ZFP28: variants seen among roughly 807,000 people sequenced by gnomAD.
The protein encoded by ZFP28 is ZFP28 zinc finger protein.
ZFP28 carries 31 observed loss-of-function variants against 39.5 expected under a neutral mutation model. The observed-to-expected ratio is 0.79, with a 90% CI of 0.59 to 1.06. The LOEUF (loss-of-function observed/expected upper bound fraction) is 1.06. Among genes scored for constraint, ZFP28 ranks in the 50% least tolerant of loss-of-function variants. The pLI is 0.00. For synonymous variants in ZFP28, 400 were observed against 378.6 expected (o/e 1.06, Z -0.66); for missense variants, 925 against 1,048.4 (o/e 0.88, Z 1.63).
chr19:56,555,544 A>T lies in ZFP28; in HGVS notation c.*152A>T. Reference sequence around the variant, plus strand: ...TCTTGTAAAACTTATAGTTTCTTTAAATTGGTTAATGTGTGAGATGTGCTC... The same window carrying T: ...TCTTGTAAAACTTATAGTTTCTTTATATTGGTTAATGTGTGAGATGTGCTC... On this transcript the variant is annotated 3_prime_UTR_variant, in exon 8 of 8. Coordinates refer to ENST00000301318, the MANE Select transcript of ZFP28 (RefSeq NM_020828.2). The T allele has an allele frequency of 8.9e-7, 1 of 1,122,820 alleles. No individual in the cohort carries two copies. The highest frequency in any genetic ancestry group is 1.3e-6 in the Non-Finnish European group (1 of 799,168). 69.6% of individuals were successfully genotyped at this position (1,122,820 alleles called of 1,614,324 possible). A position where few individuals can be genotyped will look rare whatever the true frequency, so the allele number is the denominator to read the frequency against.
At position 56,547,902 on chromosome 19, in the gene ZFP28, G is replaced by C; in HGVS notation, c.523G>C (p.Asp175His). ...KRKMTRAWCP[D>H]LKAVWKIKEL... Reference sequence around the variant, plus strand: ...AAAGATGACAAGAGCCTGGTGCCCAGGTGAGTGTGGGAGAACCAGGTAGGG... The same window carrying C: ...AAAGATGACAAGAGCCTGGTGCCCACGTGAGTGTGGGAGAACCAGGTAGGG... The change falls in exon 4 of 8, where the codon GAC becomes CAC. Residue 175 changes from aspartate (D) to histidine (H), a missense_variant and splice_region_variant. Coordinates refer to ENST00000301318, the MANE Select transcript of ZFP28 (RefSeq NM_020828.2). This position sits in a 1 kb window ranked among gnomAD's most constrained non-coding sequence, Gnocchi z 4.6. The C allele has an allele frequency of 6.2e-7, 1 of 1,614,152 alleles. No homozygotes were observed. The highest frequency in any genetic ancestry group is 8.5e-7 in the Non-Finnish European group (1 of 1,180,022).
chr19:56,543,358 T>G (rs1407431928), intron 2 of ZFP28, among the ~76,000 whole-genome samples: 2 of 144,038 alleles, frequency 1.4e-5, no homozygotes, highest in African/African-American at 5.1e-5. Context: ...GTATATTTTA[T>G]ATATATATTA....
chr19:56,544,220 T>C (rs2044220637), intron 2 of ZFP28, among the ~76,000 whole-genome samples: 1 of 152,224 alleles, frequency 6.6e-6, no homozygotes, highest in Non-Finnish European at 1.5e-5. Flanking sequence ...GTGTTTAATA[T>C]AGGACCGAAC....
In ZFP28 at chr19:56,547,130, TCTG is replaced by T. The variant is rs1478128875; in HGVS notation, c.301-377_301-375del. 1 of 198,738 alleles carries T rather than the reference TCTG, an allele frequency of 5.0e-6. No individual in the cohort carries two copies. Among genetic ancestry groups the T allele is most frequent in the African/African-American group, 2.3e-5 (1 of 42,604 alleles). The allele number at this position is 198,738 out of a possible 1,614,324, so 12.3% of individuals were successfully genotyped here. On this transcript the variant is annotated intron_variant, in intron 2 of 7. Coordinates refer to ENST00000301318, the MANE Select transcript of ZFP28 (RefSeq NM_020828.2). The surrounding 1 kb of genome is among the most constrained non-coding windows in gnomAD (Gnocchi z 4.6). ...CAACAGAAATTTCTTTTCTCAAGCTTCTGGAGGCTGGAAGTCCAAGATCAAGGT... is the reference window on the plus strand; with the variant it reads ...CAACAGAAATTTCTTTTCTCAAGCTTGAGGCTGGAAGTCCAAGATCAAGGT...
chr19:56,554,763 C>A lies in ZFP28; in HGVS notation c.1978C>A (p.Leu660Ile). The change falls in exon 8 of 8, where the codon CTT becomes ATT. Residue 660 changes from leucine to isoleucine, a missense_variant. Around this residue, in one of 2 missense-constraint regions of ZFP28, gnomAD observed 369 missense variants for 505.5 expected, o/e 0.73. Coordinates refer to ENST00000301318, the MANE Select transcript of ZFP28 (RefSeq NM_020828.2). This position sits in a 1 kb window ranked among gnomAD's most constrained non-coding sequence, Gnocchi z 6.7. ...TAAAGCGTTCACCCAGAAGGCTCAC[C>A]TTGCACAGCATCAGAAAACCCATAC... ...CSKAFTQKAH[L>I]AQHQKTHTGE... is the part of the protein sequence containing the mutation. 1 of 1,614,156 alleles carries A rather than the reference C, an allele frequency of 6.2e-7. No homozygotes were observed. Among genetic ancestry groups the A allele is most frequent in the East Asian group, 2.2e-5 (1 of 44,858 alleles).
intron 4 of ZFP28, among the ~76,000 whole-genome samples, chr19:56,548,710 A>G (rs1379795289): frequency 6.6e-6 from 1 of 152,156 alleles, no homozygotes; most frequent in Non-Finnish European, 1.5e-5. Context: ...CTCTTATTCA[A>G]CTTTTAGGTG....
In ZFP28 at chr19:56,555,737, G is replaced by T; in HGVS notation, c.*345G>T. ...ATCAGGAACAGAATTCTCCAGTAGT[G>T]GGTGAGGTTTTGCCTTTGTTGGTTT... On this transcript the variant is annotated 3_prime_UTR_variant, in exon 8 of 8. Coordinates refer to ENST00000301318, the MANE Select transcript of ZFP28 (RefSeq NM_020828.2). 1 of 208,470 alleles carries T rather than the reference G, an allele frequency of 4.8e-6. No homozygotes were observed. The highest frequency in any genetic ancestry group is 9.4e-6 in the Non-Finnish European group (1 of 105,836). The allele number at this position is 208,470 out of a possible 1,614,324, so 12.9% of individuals were successfully genotyped here.
chr19:56,555,241 G>C lies in ZFP28; in HGVS notation c.2456G>C (p.Arg819Thr), dbSNP rs762111391. ...GERSYNYKKS[R>T]KVFRQTAHLA... The stretch of plus-strand genomic sequence containing the variant: ...AGATCTTATAACTATAAGAAAAGCA[G>C]AAAAGTCTTCAGGCAAACTGCTCAC... The change falls in exon 8 of 8, where the codon AGA (arginine) becomes ACA (threonine). Residue 819 changes from arginine (R) to threonine (T), a missense_variant. By Grantham distance (71) the Arg-to-Thr change is moderately conservative. Around this residue, in one of 2 missense-constraint regions of ZFP28, gnomAD observed 369 missense variants for 505.5 expected, o/e 0.73. Transcript: ENST00000301318. 3 of 1,614,064 alleles carry C rather than the reference G, an allele frequency of 1.9e-6. No homozygotes were observed. The Admixed American group carries it at 5.0e-5, about 27-fold the overall frequency.
At chr19:56,543,297 ATCTT>A (rs1350907947) in intron 2 of ZFP28, among the ~76,000 whole-genome samples, 1 of 148,374 alleles carries the variant, frequency 6.7e-6, no homozygotes, top group South Asian at 2.1e-4. Flanking sequence ...TAATGTCTCT[ATCTT>A]TGTGTGTGTG....
Position 56,555,581 on chromosome 19 carries a change from T to C in ZFP28, c.*189T>C. 1.3e-6 allele frequency: 1 copy of C among 752,220 alleles called. No individual in the cohort carries two copies. The highest frequency in any genetic ancestry group is 2.0e-6 in the Non-Finnish European group (1 of 493,912). 46.6% of individuals were successfully genotyped at this position (752,220 alleles called of 1,614,324 possible). On this transcript the variant is annotated 3_prime_UTR_variant, in exon 8 of 8. Coordinates refer to ENST00000301318, the MANE Select transcript of ZFP28 (RefSeq NM_020828.2). ...TGTGAGATGTGCTCAGCACAGTGCC[T>C]GGTCCATAGTAAGTGCTCAGTAAAC... is the stretch of plus-strand genomic sequence containing the variant.
At position 56,547,377 on chromosome 19, in the gene ZFP28, T is replaced by A; in HGVS notation, c.301-131T>A. ...GGCCCTGTCTCTAAATACAGTCACA[T>A]TCAAAAGTACTGGGGATTAGGAGTT... On this transcript the variant is annotated intron_variant, in intron 2 of 7. Transcript: ENST00000301318. The surrounding 1 kb of genome is among the most constrained non-coding windows in gnomAD (Gnocchi z 4.6). 1 of 1,355,200 alleles carries A rather than the reference T, an allele frequency of 7.4e-7. No homozygotes were observed. Among genetic ancestry groups the A allele is most frequent in the Non-Finnish European group, 1.0e-6 (1 of 981,774 alleles). 83.9% of individuals were successfully genotyped at this position (1,355,200 alleles called of 1,614,324 possible).
intron 2 of ZFP28, among the ~76,000 whole-genome samples, chr19:56,541,305 T>G (rs2044193370): frequency 6.7e-6 from 1 of 149,906 alleles, no homozygotes; most frequent in African/African-American, 2.5e-5. Context: ...TTGGTCCTGA[T>G]GCAAATCCTG....
rs1033719270 is a variant in ZFP28 at position 56,554,507 on chromosome 19, A to G, written c.1722A>G (p.Ala574=). 3.1e-6 allele frequency: 5 copies of G among 1,614,248 alleles called. No individual in the cohort carries two copies. Among genetic ancestry groups the G allele is most frequent in the Non-Finnish European group, 4.2e-6 (5 of 1,180,048 alleles). ...DVCRKAFSHH[A]SLTQHQRVHS... is the part of the protein sequence containing the mutation. ...GCAGAAAAGCCTTCAGCCATCATGC[A>G]TCACTCACTCAACATCAAAGAGTAC... The change falls in exon 8 of 8, where the codon GCA becomes GCG. Residue 574 remains alanine, a synonymous_variant. Coordinates refer to ENST00000301318, the MANE Select transcript of ZFP28 (RefSeq NM_020828.2). The surrounding 1 kb of genome is among the most constrained non-coding windows in gnomAD (Gnocchi z 6.7).
At chr19:56,538,913 G>C (rs1185656057), upstream of ZFP28, 8 of 1,052,966 alleles carry the variant, frequency 7.6e-6, no homozygotes, top group African/African-American at 5.0e-5. Flanking sequence ...GCCGGGCCAT[G>C]GGGGAGCGCG....
Position 56,547,709 on chromosome 19 carries a change from CACCCAG to C in ZFP28, c.427+79_427+84del, listed in dbSNP as rs758870735. 380 of 1,572,736 alleles carry C rather than the reference CACCCAG, an allele frequency of 2.4e-4. No homozygotes were observed. Among genetic ancestry groups the C allele is most frequent in the Non-Finnish European group, 3.1e-4 (359 of 1,156,492 alleles). On this transcript the variant is annotated intron_variant, in intron 3 of 7. Transcript: ENST00000301318. The surrounding 1 kb of genome is among the most constrained non-coding windows in gnomAD (Gnocchi z 4.6). ...ACTAAGAAGCCTTTCATGCCTTTAT[CACCCAG>C]ACCTGCACTGCCCTCTTGCGTCAAG...
chr19:56,554,721 G>A lies in ZFP28; in HGVS notation c.1936G>A (p.Glu646Lys), dbSNP rs372307866. The change falls in exon 8 of 8, where the codon GAA becomes AAA. Residue 646 changes from glutamate (E) to lysine (K), a missense_variant. By Grantham distance (56) the Glu-to-Lys change is moderately conservative. This residue lies in a region of ZFP28 where 369 missense variants were observed against 505.5 expected (regional missense o/e 0.73). Coordinates refer to ENST00000301318, the MANE Select transcript of ZFP28 (RefSeq NM_020828.2). The surrounding 1 kb of genome is among the most constrained non-coding windows in gnomAD (Gnocchi z 6.7). ...QRIHTGEKPY[E>K]CKVCSKAFTQ... ...AATCCATACTGGAGAGAAGCCCTAT[G>A]AATGTAAGGTTTGTAGTAAAGCGTT... 3.7e-5 allele frequency: 60 copies of A among 1,614,136 alleles called. No homozygotes were observed. The South Asian group carries it at 5.9e-4, about 16-fold the overall frequency.
At chr19:56,541,168 T>C (rs1568483763) in intron 2 of ZFP28, among the ~76,000 whole-genome samples, 1 of 152,192 alleles carries the variant, frequency 6.6e-6, no homozygotes, top group Non-Finnish European at 1.5e-5. Context: ...CCCGAAGTCC[T>C]GAGAGTCTCC....
At position 56,539,026 on chromosome 19, in the gene ZFP28, G is replaced by T. The variant is rs759247090; in HGVS notation, c.8G>T (p.Gly3Val). 376 of 1,434,520 alleles carry T rather than the reference G, an allele frequency of 2.6e-4. 1 individual carries two copies. The African/African-American group carries it at 5.2e-3, about 20-fold the overall frequency. 88.9% of individuals were successfully genotyped at this position (1,434,520 alleles called of 1,614,324 possible). A position where few individuals can be genotyped will look rare whatever the true frequency, so the allele number is the denominator to read the frequency against. MR[G>V]AASASVREPT... ...CGCGCGGCCTCGGGTGACATGCGGG[G>T]GGCGGCGAGCGCGAGTGTCCGCGAG... The change falls in exon 1 of 8, where the codon GGG (glycine) becomes GTG (valine). Residue 3 changes from glycine (G) to valine (V), a missense_variant. By Grantham distance (109) the Gly-to-Val change is moderately radical (BLOSUM62 -3). Coordinates refer to ENST00000301318, the MANE Select transcript of ZFP28 (RefSeq NM_020828.2).
intron 7 of ZFP28, chr19:56,551,644 GTA>G (rs2044304588): frequency 1.0e-6 from 1 of 985,218 alleles, no homozygotes; most frequent in African/African-American, 1.7e-5. Flanking sequence ...ACAATTAGAT[GTA>G]TGAGTTTAAT....
Sources: gnomAD v4.1 joint callset for allele counts (sites outside exome capture counted in the v4.1 genomes callset) on GRCh38, gnomAD v4.1.1 for gene constraint, gnomAD v4.1.1 regional missense constraint, Gnocchi (gnomAD v3.1) non-coding constraint, MANE v1.5 for transcripts, NCBI Gene and HGNC (gene_info 2026-07-23, HGNC 2026-07-21) for gene names.